Variants in FAM221A observed in about 807,000 individuals in gnomAD.
FAM221A encodes family with sequence similarity 221 member A, also known as protein FAM221A.
A neutral mutation model predicts 37.6 loss-of-function variants in FAM221A; 43 were observed. The observed-to-expected ratio is 1.15, with a 90% CI of 0.90 to 1.48. The LOEUF is 1.48. Among genes scored for constraint, FAM221A ranks in the 40% most tolerant of loss-of-function variants. The probability of loss-of-function intolerance (pLI) is 0.00; values close to 1 mark genes in which losing one functional copy is unlikely to be tolerated. For missense variants in FAM221A, 361 were observed against 361.5 expected (o/e 1.00, Z 0.01); for synonymous variants, 135 against 132.9 (o/e 1.02, Z -0.11).
At chr7:23,686,663 T>C (rs1486172576) in intron 2 of FAM221A, 1 of 155,220 alleles carries the variant, frequency 6.4e-6, no homozygotes, top group Non-Finnish European at 1.4e-5. Flanking sequence ...TAAAGTGGTA[T>C]ATGATTATCA....
chr7:23,690,199 A>ATATATATTTTTTTT (rs774313037), intron 3 of FAM221A, among the ~76,000 whole-genome samples: 27 of 48,722 alleles, frequency 5.5e-4, no homozygotes, highest in South Asian at 2.4e-3. Flanking sequence ...ATATATATAT[A>ATATATATTTTTTTT]TTTTTTTTTT....
intron 3 of FAM221A, among the ~76,000 whole-genome samples, chr7:23,690,330 A>G (rs1430995286): frequency 2.0e-5 from 3 of 150,760 alleles, no homozygotes; most frequent in Admixed American, 1.3e-4. Flanking sequence ...TCAGCCTCCC[A>G]AGTAGCTGAG....
At chr7:23,682,810 A>G (rs1784135026) in intron 1 of FAM221A, among the ~76,000 whole-genome samples, 1 of 152,124 alleles carries the variant, frequency 6.6e-6, no homozygotes, top group African/African-American at 2.4e-5. Flanking sequence ...CTTAAATACC[A>G]ATGACATCTT....
In FAM221A at chr7:23,691,396, A is replaced by G. The variant is rs1246803980; in HGVS notation, c.437A>G (p.Lys146Arg). 6.2e-7 allele frequency: 1 copy of G among 1,614,028 alleles called. No individual in the cohort carries two copies. The highest frequency in any genetic ancestry group is 8.5e-7 in the Non-Finnish European group (1 of 1,179,928). Residue 146 changes from lysine to arginine, a missense_variant, in exon 4 of 7, where the codon AAG (lysine) becomes AGG (arginine). Coordinates refer to ENST00000344962, the MANE Select transcript of FAM221A (RefSeq NM_199136.5). ...CCTTTACATCTTGATTCAGGTTCCA[A>G]GTGTTCAGGATTCCATAGCTGCTTC... ...APGFTCNTCS[K>R]CSGFHSCFTC...
chr7:23,699,261 G>A (rs755520847), intron 5 of FAM221A, among the ~76,000 whole-genome samples: 2 of 150,326 alleles, frequency 1.3e-5, no homozygotes, highest in African/African-American at 2.5e-5. Context: ...AGGAGTACAG[G>A]TGTGCCCCCA....
intron 5 of FAM221A, among the ~76,000 whole-genome samples, chr7:23,699,267 C>T (rs1785250846): frequency 6.7e-6 from 1 of 148,654 alleles, no homozygotes; most frequent in Admixed American, 6.8e-5. Context: ...ACAGGTGTGC[C>T]CCCACACCTG....
chr7:23,685,004 C>T (rs899457258), intron 2 of FAM221A, among the ~76,000 whole-genome samples: 1 of 152,172 alleles, frequency 6.6e-6, no homozygotes, highest in Non-Finnish European at 1.5e-5. Flanking sequence ...AATTCCAGCA[C>T]TTTGGGAGGC....
intron 4 of FAM221A, chr7:23,694,833 A>G (rs1784958220): frequency 6.6e-6 from 1 of 152,076 alleles, no homozygotes; most frequent in African/African-American, 2.4e-5. Context: ...AATATTTATG[A>G]CTTCATTTTA....
chr7:23,691,513 A>G lies in FAM221A; in HGVS notation c.554A>G (p.Asp185Gly). ...RLAQEKPVGQ[D>G]IPYAAMGGLT... ...GCTCAGGAAAAACCAGTGGGACAGG[A>G]CATTCCTTATGCAGCCATGGGAGGA... Residue 185 changes from aspartate (D) to glycine (G), a missense_variant, in exon 4 of 7, where the codon GAC (aspartate) becomes GGC (glycine). Coordinates refer to ENST00000344962, the MANE Select transcript of FAM221A (RefSeq NM_199136.5). 1 of 1,614,220 alleles carries G rather than the reference A, an allele frequency of 6.2e-7. No individual in the cohort carries two copies. Among genetic ancestry groups the G allele is most frequent in the Non-Finnish European group, 8.5e-7 (1 of 1,180,040 alleles).
Position 23,680,246 on chromosome 7 carries a change from G to T in FAM221A, c.28G>T (p.Gly10Cys). 6.5e-7 allele frequency: 1 copy of T among 1,549,362 alleles called. No homozygotes were observed. The highest frequency in any genetic ancestry group is 8.7e-7 in the Non-Finnish European group (1 of 1,146,076). Reference sequence around the variant, plus strand: ...GGAGCGGTTGACGTTGCCTCTCGGCGGCGCGGCGGCGGTGGACGAGTACCT... The same window carrying T: ...GGAGCGGTTGACGTTGCCTCTCGGCTGCGCGGCGGCGGTGGACGAGTACCT... Reference protein sequence around the residue: MERLTLPLGGAAAVDEYLEY... With the variant: MERLTLPLGCAAAVDEYLEY... Residue 10 changes from glycine (G) to cysteine (C), a missense_variant, in exon 1 of 7, where the codon GGC becomes TGC. Gly to Cys is a radical substitution (Grantham distance 159). Coordinates refer to ENST00000344962, the MANE Select transcript of FAM221A (RefSeq NM_199136.5).
In FAM221A at chr7:23,684,547, T is replaced by C; in HGVS notation, c.114T>C (p.Tyr38=). The change falls in exon 2 of 7, where the codon TAT becomes TAC. Residue 38 remains tyrosine (Y), a synonymous_variant. Coordinates refer to ENST00000344962, the MANE Select transcript of FAM221A (RefSeq NM_199136.5). ...GGAAACTTTTTACTCCTGAAGAATA[T>C]GAAGAATACAAAAGAAAAGTTTTAC... ...DGGKLFTPEE[Y]EEYKRKVLPL... 1 of 1,613,428 alleles carries C rather than the reference T, an allele frequency of 6.2e-7. No homozygotes were observed. The highest frequency in any genetic ancestry group is 8.5e-7 in the Non-Finnish European group (1 of 1,179,830).
In FAM221A at chr7:23,680,233, G is replaced by A. The variant is rs187837770; in HGVS notation, c.15G>A (p.Thr5=). 1.4e-3 allele frequency: 2,096 copies of A among 1,549,726 alleles called. 41 individuals are homozygous for A. The South Asian group carries it at 0.021, about 16-fold the overall frequency. The part of the protein sequence containing the change: MERL[T]LPLGGAAAVD... ...CCCCACCGGCAATGGAGCGGTTGAC[G>A]TTGCCTCTCGGCGGCGCGGCGGCGG... is the stretch of plus-strand genomic sequence containing the variant. Residue 5 remains threonine (T), a synonymous_variant, in exon 1 of 7, where the codon ACG becomes ACA. Transcript: ENST00000344962.
rs146437347 is a variant in FAM221A at position 23,689,358 on chromosome 7, C to T, written c.329C>T (p.Ala110Val). 1 of 1,608,888 alleles carries T rather than the reference C, an allele frequency of 6.2e-7. No homozygotes were observed. Among genetic ancestry groups the T allele is most frequent in the East Asian group, 2.2e-5 (1 of 44,696 alleles). ...PCQVTGCQCR[A>V]YLYVPLNGSQ... ...CAAGTGACTGGCTGCCAGTGCAGGG[C>T]TTACCTTTATGTCCCCTTGAATGGT... Residue 110 changes from alanine (A) to valine (V), a missense_variant, in exon 3 of 7, where the codon GCT (alanine) becomes GTT (valine). Coordinates refer to ENST00000344962, the MANE Select transcript of FAM221A (RefSeq NM_199136.5).
chr7:23,686,502 T>C (rs1784379570), intron 2 of FAM221A: 1 of 291,554 alleles, frequency 3.4e-6, no homozygotes, highest in African/African-American at 2.3e-5. Flanking sequence ...TGGGCTTAAG[T>C]TATCTGTCTA....
At chr7:23,695,079 C>T (rs891961216) in intron 4 of FAM221A, among the ~76,000 whole-genome samples, 1 of 152,164 alleles carries the variant, frequency 6.6e-6, no homozygotes, top group Non-Finnish European at 1.5e-5. Flanking sequence ...AAGCAGTCCT[C>T]CCACCCAACC....
intron 4 of FAM221A, chr7:23,692,519 T>G (rs1784812989): frequency 3.8e-6 from 1 of 266,410 alleles, no homozygotes; most frequent in African/African-American, 2.3e-5. Flanking sequence ...TTTTGTATTT[T>G]TAGTAGAGAT....
chr7:23,692,856 A>T (rs756161322), intron 4 of FAM221A: 3 of 609,078 alleles, frequency 4.9e-6, no homozygotes, highest in Non-Finnish European at 6.2e-6. Context: ...TGTTTAAGAG[A>T]TAGGGTCTTG....
At chr7:23,683,506 T>G (rs1784186227) in intron 1 of FAM221A, among the ~76,000 whole-genome samples, 1 of 152,178 alleles carries the variant, frequency 6.6e-6, no homozygotes, top group South Asian at 2.1e-4. Context: ...TCAAAGGAGG[T>G]AAATGTTAGA....
chr7:23,681,544 C>T (rs1444196449), intron 1 of FAM221A, among the ~76,000 whole-genome samples: 1 of 151,936 alleles, frequency 6.6e-6, no homozygotes, highest in East Asian at 1.9e-4. Context: ...CTCAGCCTCC[C>T]GAGTAGCTGG....
Sources: allele counts gnomAD v4.1 joint callset (sites outside exome capture counted in the v4.1 genomes callset), GRCh38; gene constraint gnomAD v4.1.1; transcripts MANE v1.5; gene names NCBI Gene and HGNC (gene_info 2026-07-23, HGNC 2026-07-21).